Variants in CREB1 observed in about 807,000 individuals in gnomAD.
CREB1 encodes cAMP responsive element binding protein 1.
Under a neutral mutation model 42.0 loss-of-function variants are expected in CREB1, and 2 were observed. The ratio of observed to expected loss-of-function variants is 0.05; its 90% confidence interval spans 0.02 to 0.15. The LOEUF is 0.15. Among genes scored for constraint, CREB1 ranks in the 10% least tolerant of loss-of-function variants. The pLI is 1.00. For synonymous variants in CREB1, 123 were observed against 139.9 expected (o/e 0.88, Z 0.85); for missense variants, 199 against 388.9 (o/e 0.51, Z 4.11).
intron 7 of CREB1, among the ~76,000 whole-genome samples, chr2:207,590,109 A>G (rs1167586843): frequency 1.1e-4 from 13 of 117,610 alleles, no homozygotes; most frequent in Admixed American, 1.9e-4. Context: ...TTTTTTTTTA[A>G]TAGATACGGG....
At chr2:207,581,767 T>C (rs2082986739) in intron 7 of CREB1, 1 of 681,624 alleles carries the variant, frequency 1.5e-6, no homozygotes, top group Non-Finnish European at 2.6e-6. Flanking sequence ...GAATTATACA[T>C]TTTATTTCCC....
intron 7 of CREB1, among the ~76,000 whole-genome samples, chr2:207,591,428 T>C (rs1458620943): frequency 2.0e-5 from 3 of 152,152 alleles, no homozygotes; most frequent in Non-Finnish European, 4.4e-5. Flanking sequence ...AGTTGGTTTG[T>C]TTTGTTTTTG....
chr2:207,589,558 T>TG (rs1487243963), intron 7 of CREB1, among the ~76,000 whole-genome samples: 1 of 152,240 alleles, frequency 6.6e-6, no homozygotes, highest in African/African-American at 2.4e-5. Flanking sequence ...TGGACACCTT[T>TG]GGGGGACCTT....
Position 207,598,339 on chromosome 2 carries a change from CA to C in CREB1, c.*1283del. 5.4e-6 allele frequency: 1 copy of C among 184,496 alleles called. No homozygotes were observed. The highest frequency in any genetic ancestry group is 1.1e-5 in the Non-Finnish European group (1 of 87,004). The allele number at this position is 184,496 out of a possible 1,614,324, so 11.4% of individuals were successfully genotyped here. ...AGTTATTAGTTCTGCTTTAGCTTTC[CA>C]ATATGCTGTATAGCCTTTGTCATTT... is the stretch of plus-strand genomic sequence containing the variant. On this transcript the variant is annotated 3_prime_UTR_variant, in exon 8 of 8. Coordinates refer to ENST00000353267, the MANE Select transcript of CREB1 (RefSeq NM_004379.5).
chr2:207,603,704 T>G lies in CREB1; in HGVS notation c.*6646T>G, dbSNP rs1364944025. 1.3e-5 allele frequency among the ~76,000 whole-genome samples: 2 copies of G among 152,214 alleles called. No homozygotes were observed. The highest frequency in any genetic ancestry group is 2.9e-5 in the Non-Finnish European group (2 of 68,038). On this transcript the variant is annotated 3_prime_UTR_variant, in exon 8 of 8. Coordinates refer to ENST00000353267, the MANE Select transcript of CREB1 (RefSeq NM_004379.5). ...ACTAATGGAGACATACGACCAGCTGTGTCTGATGTCATAAAACACGTGTTC... is the reference window on the plus strand; with the variant it reads ...ACTAATGGAGACATACGACCAGCTGGGTCTGATGTCATAAAACACGTGTTC...
chr2:207,593,039 T>C (rs1489187261), intron 7 of CREB1, among the ~76,000 whole-genome samples: 1 of 152,248 alleles, frequency 6.6e-6, no homozygotes, highest in African/African-American at 2.4e-5. Flanking sequence ...CTTTTTGTTG[T>C]TCTGTCTTCA....
At position 207,567,238 on chromosome 2, in the gene CREB1, A is replaced by C. The variant is rs527480244; in HGVS notation, c.262-225A>C. On this transcript the variant is annotated intron_variant, in intron 3 of 7. Transcript: ENST00000353267. ...TCAGGATTGATTACATGGAGTCCTG[A>C]AAAAAAAATTAAACTGCAGCTATTT... is the stretch of plus-strand genomic sequence containing the variant. Among the ~76,000 whole-genome samples the C allele has an allele frequency of 2.0e-5, 3 of 151,510 alleles. No homozygotes were observed. The East Asian group carries it at 5.8e-4, about 29-fold the overall frequency.
At chr2:207,562,364 G>GT (rs1219582687) in intron 3 of CREB1, among the ~76,000 whole-genome samples, 2 of 151,980 alleles carry the variant, frequency 1.3e-5, no homozygotes, top group Non-Finnish European at 2.9e-5. Flanking sequence ...TAAGATTACT[G>GT]TTTTTTATTG....
At chr2:207,587,379 C>T (rs559120224) in intron 7 of CREB1, among the ~76,000 whole-genome samples, 10 of 144,656 alleles carry the variant, frequency 6.9e-5, no homozygotes, top group South Asian at 2.2e-4. Flanking sequence ...GGTGACGGAA[C>T]GAGACTCCAT....
At chr2:207,532,048 G>GAT (rs1340740119) in intron 1 of CREB1, among the ~76,000 whole-genome samples, 3 of 152,120 alleles carry the variant, frequency 2.0e-5, no homozygotes, top group African/African-American at 7.2e-5. Flanking sequence ...CAGTAGAGTA[G>GAT]AATTTTTTTT....
In CREB1 at chr2:207,602,548, A is replaced by G. The variant is rs1031283230; in HGVS notation, c.*5490A>G. On this transcript the variant is annotated 3_prime_UTR_variant, in exon 8 of 8. Transcript: ENST00000353267. The stretch of plus-strand genomic sequence containing the variant: ...GTCTGAGGAGCATCTCAGAGAAGTG[A>G]GAGTAAATCTGAGTTAGCTTAAAAA... 5 of 211,300 alleles carry G rather than the reference A, an allele frequency of 2.4e-5. No individual in the cohort carries two copies. The highest frequency in any genetic ancestry group is 6.8e-5 in the African/African-American group (3 of 44,240). The allele number at this position is 211,300 out of a possible 1,614,324, so 13.1% of individuals were successfully genotyped here.
Position 207,597,278 on chromosome 2 carries a change from A to G in CREB1, c.*220A>G, listed in dbSNP as rs2086333199. On this transcript the variant is annotated 3_prime_UTR_variant, in exon 8 of 8. Coordinates refer to ENST00000353267, the MANE Select transcript of CREB1 (RefSeq NM_004379.5). ...CTCCCCTCAAGAAATTTTCAACGCC[A>G]GGAATCATGAAGAGACTTCTGCTTT... 2.2e-6 allele frequency: 1 copy of G among 452,986 alleles called. No individual in the cohort carries two copies. The highest frequency in any genetic ancestry group is 3.8e-6 in the Non-Finnish European group (1 of 263,252). 28.1% of individuals were successfully genotyped at this position (452,986 alleles called of 1,614,324 possible). A position where few individuals can be genotyped will look rare whatever the true frequency, so the allele number is the denominator to read the frequency against.
At chr2:207,532,457 G>C (rs1431307321) in intron 1 of CREB1, among the ~76,000 whole-genome samples, 1 of 151,962 alleles carries the variant, frequency 6.6e-6, no homozygotes, top group Non-Finnish European at 1.5e-5. Context: ...GGCGGCTCAC[G>C]AGGTCAAGAG....
chr2:207,541,894 T>C (rs2081112410), intron 1 of CREB1, among the ~76,000 whole-genome samples: 1 of 152,186 alleles, frequency 6.6e-6, no homozygotes, highest in Non-Finnish European at 1.5e-5. Flanking sequence ...CTATCACCTT[T>C]GTGTCTCTAT....
chr2:207,536,448 A>G (rs975024861), intron 1 of CREB1, among the ~76,000 whole-genome samples: 1 of 151,994 alleles, frequency 6.6e-6, no homozygotes, highest in Non-Finnish European at 1.5e-5. Context: ...CCAGCTACTC[A>G]GGAGGCTGAG....
intron 1 of CREB1, among the ~76,000 whole-genome samples, chr2:207,552,606 CTT>C (rs1186619713): frequency 1.4e-4 from 19 of 136,552 alleles, no homozygotes; most frequent in Non-Finnish European, 1.1e-4. Context: ...TTGTGAATGT[CTT>C]TTTTTTTTTT....
intron 1 of CREB1, among the ~76,000 whole-genome samples, chr2:207,554,492 T>C (rs1471595383): frequency 6.6e-6 from 1 of 152,206 alleles, no homozygotes; most frequent in Non-Finnish European, 1.5e-5. Context: ...ACACATAATA[T>C]GTGAGGCACT....
chr2:207,595,723 C>A (rs984915116), intron 7 of CREB1, among the ~76,000 whole-genome samples: 3 of 152,152 alleles, frequency 2.0e-5, no homozygotes, highest in Non-Finnish European at 4.4e-5. Context: ...TGCCACCACA[C>A]TTGGCTAAAT....
intron 1 of CREB1, among the ~76,000 whole-genome samples, chr2:207,555,199 T>C (rs1364712044): frequency 2.0e-5 from 3 of 152,346 alleles, no homozygotes; most frequent in Admixed American, 1.3e-4. Flanking sequence ...GGAGGTATTA[T>C]GAAGCCAATA....
Sources: gnomAD v4.1 joint callset for allele counts (sites outside exome capture counted in the v4.1 genomes callset) on GRCh38, gnomAD v4.1.1 for gene constraint, MANE v1.5 for transcripts, NCBI Gene and HGNC (gene_info 2026-07-23, HGNC 2026-07-21) for gene names.